TLNRD1: variants seen among roughly 807,000 people sequenced by gnomAD.
The protein encoded by TLNRD1 is talin rod domain containing 1, also known as talin rod domain-containing protein 1.
TLNRD1 carries 14 observed loss-of-function variants against 19.5 expected under a neutral mutation model. The ratio of observed to expected loss-of-function variants is 0.72; its 90% confidence interval spans 0.47 to 1.12. The LOEUF (loss-of-function observed/expected upper bound fraction) is 1.12, where lower values mean the gene tolerates loss of function less well. Among genes scored for constraint, TLNRD1 ranks in the 50% most tolerant of loss-of-function variants. TLNRD1 has a pLI of 0.00. For missense variants in TLNRD1, 569 were observed against 531.9 expected, an observed-to-expected ratio of 1.07 and a Z score of -0.69; for synonymous variants, 345 against 261.7, an observed-to-expected ratio of 1.32 and a Z score of -3.07.
rs1385172932 is a variant in TLNRD1 at position 81,002,110 on chromosome 15, C to A, written c.-162C>A. On this transcript the variant is annotated 5_prime_UTR_variant, in exon 1 of 1. Coordinates refer to ENST00000267984, the MANE Select transcript of TLNRD1 (RefSeq NM_022566.3). The stretch of plus-strand genomic sequence containing the variant: ...GCCGCCCGGGCTCCCGCCGCCGCAG[C>A]CCAGTGCCCTCTGCCCGCGGCGGTG... 1.5e-5 allele frequency: 12 copies of A among 805,236 alleles called. No individual in the cohort carries two copies. In the Admixed American group the frequency reaches 1.9e-4, roughly 13 times the overall value. The allele number at this position is 805,236 out of a possible 1,614,324, so 49.9% of individuals were successfully genotyped here. A position where few individuals can be genotyped will look rare whatever the true frequency, so the allele number is the denominator to read the frequency against.
At position 81,005,492 on chromosome 15, in the gene TLNRD1, G is replaced by C. The variant is rs1308312914; in HGVS notation, c.*2132G>C. On this transcript the variant is annotated 3_prime_UTR_variant, in exon 1 of 1. Coordinates refer to ENST00000267984, the MANE Select transcript of TLNRD1 (RefSeq NM_022566.3). ...GTAAACTGAAAGGAACAAACGCTAAGTAAAATAAGGGCCAGAAATCTGTAA... is the reference window on the plus strand; with the variant it reads ...GTAAACTGAAAGGAACAAACGCTAACTAAAATAAGGGCCAGAAATCTGTAA... 3.0e-5 allele frequency: 5 copies of C among 166,962 alleles called. No homozygotes were observed. In the East Asian group the frequency reaches 7.7e-4, roughly 26 times the overall value. 10.3% of individuals were successfully genotyped at this position (166,962 alleles called of 1,614,324 possible).
Position 81,002,410 on chromosome 15 carries a change from G to T in TLNRD1, c.139G>T (p.Val47Leu). The T allele has an allele frequency of 6.4e-7, 1 of 1,555,290 alleles. No homozygotes were observed. Among genetic ancestry groups the T allele is most frequent in the Non-Finnish European group, 8.6e-7 (1 of 1,157,768 alleles). Residue 47 changes from valine (V) to leucine (L), a missense_variant, in exon 1 of 1, where the codon GTG becomes TTG. Physicochemically the swap from Val to Leu is conservative, Grantham distance 32. Coordinates refer to ENST00000267984, the MANE Select transcript of TLNRD1 (RefSeq NM_022566.3). ...CCACTGCAAGGGCAAGATGCAGCTG[G>T]TGGCTGACCTGCTGCTGCTGTCGAG... ...CDHCKGKMQL[V>L]ADLLLLSSEA...
At position 81,003,398 on chromosome 15, in the gene TLNRD1, A is replaced by G; in HGVS notation, c.*38A>G. ...ATACCCCTTCTTCCACCCCCAGACTAAAGGAAGATACTTACTCTCTGCCCC... is the reference window on the plus strand; with the variant it reads ...ATACCCCTTCTTCCACCCCCAGACTGAAGGAAGATACTTACTCTCTGCCCC... On this transcript the variant is annotated 3_prime_UTR_variant, in exon 1 of 1. Coordinates refer to ENST00000267984, the MANE Select transcript of TLNRD1 (RefSeq NM_022566.3). The G allele has an allele frequency of 6.5e-7, 1 of 1,536,928 alleles. No individual in the cohort carries two copies. Among genetic ancestry groups the G allele is most frequent in the Non-Finnish European group, 8.8e-7 (1 of 1,135,810 alleles).
chr15:81,002,094 G>C lies in TLNRD1; in HGVS notation c.-178G>C, dbSNP rs910019713. On this transcript the variant is annotated 5_prime_UTR_variant, in exon 1 of 1. Transcript: ENST00000267984. ...CTCGGGCCCACCCCGCGCCGCCCGG[G>C]CTCCCGCCGCCGCAGCCCAGTGCCC... 3.2e-5 allele frequency: 21 copies of C among 652,192 alleles called. No homozygotes were observed. The African/African-American group carries it at 4.0e-4, about 13-fold the overall frequency. 40.4% of individuals were successfully genotyped at this position (652,192 alleles called of 1,614,324 possible). A position where few individuals can be genotyped will look rare whatever the true frequency, so the allele number is the denominator to read the frequency against.
rs1893455228 is a variant in TLNRD1, at chr15:81,003,608, G to A, written c.*248G>A. On this transcript the variant is annotated 3_prime_UTR_variant, in exon 1 of 1. Transcript: ENST00000267984. ...GGAAGATATGTCATCTGCTGGTTGTGTTATCACTCCCACCCCCTACCCCAG... is the reference window on the plus strand; with the variant it reads ...GGAAGATATGTCATCTGCTGGTTGTATTATCACTCCCACCCCCTACCCCAG... 4.6e-6 allele frequency: 2 copies of A among 433,800 alleles called. No individual in the cohort carries two copies. The highest frequency in any genetic ancestry group is 8.4e-6 in the Non-Finnish European group (2 of 237,800). The allele number at this position is 433,800 out of a possible 1,614,324, so 26.9% of individuals were successfully genotyped here.
chr15:81,004,273 G>A lies in TLNRD1; in HGVS notation c.*913G>A, dbSNP rs75482511. ...TTGGGTTATGTAGAGTGCTTGGGAC[G>A]GTTTTGTCTCATTTTTCCTGGAAAG... On this transcript the variant is annotated 3_prime_UTR_variant, in exon 1 of 1. Transcript: ENST00000267984. 10,129 of 167,068 alleles carry A rather than the reference G, an allele frequency of 0.061. 382 individuals carry two copies. The highest frequency in any genetic ancestry group is 0.18 in the Middle Eastern group (52 of 296). The allele number at this position is 167,068 out of a possible 1,614,324, so 10.3% of individuals were successfully genotyped here. A position where few individuals can be genotyped will look rare whatever the true frequency, so the allele number is the denominator to read the frequency against.
rs1324284246 is a variant in TLNRD1 at position 81,001,727 on chromosome 15, C to T, written c.-545C>T. On this transcript the variant is annotated 5_prime_UTR_variant, in exon 1 of 1. Transcript: ENST00000267984. ...CTGAAGCCCACGTGCGCCGCCGAGC[C>T]CGAGGTGGCCTCGAGCGCGGCGGCT... 6.6e-6 allele frequency: 1 copy of T among 152,078 alleles called. No homozygotes were observed. The highest frequency in any genetic ancestry group is 6.5e-5 in the Admixed American group (1 of 15,282). The allele number at this position is 152,078 out of a possible 1,614,324, so 9.4% of individuals were successfully genotyped here. A position where few individuals can be genotyped will look rare whatever the true frequency, so the allele number is the denominator to read the frequency against.
Position 81,003,560 on chromosome 15 carries a change from C to T in TLNRD1, c.*200C>T. 3.5e-6 allele frequency: 2 copies of T among 578,274 alleles called. No homozygotes were observed. Among genetic ancestry groups the T allele is most frequent in the African/African-American group, 1.9e-5 (1 of 52,620 alleles). The allele number at this position is 578,274 out of a possible 1,614,324, so 35.8% of individuals were successfully genotyped here. On this transcript the variant is annotated 3_prime_UTR_variant, in exon 1 of 1. Transcript: ENST00000267984. ...CTTGGAGGGCCCAGGTGTCTCTCCA[C>T]CAGCCCCCATGCAGTAGGGACTGGA...
Position 81,002,554 on chromosome 15 carries a change from G to C in TLNRD1, c.283G>C (p.Asp95His). Residue 95 changes from aspartate to histidine, a missense_variant, in exon 1 of 1, where the codon GAC becomes CAC. By Grantham distance (81) the Asp-to-His change is moderately conservative. Transcript: ENST00000267984. ...CAAGGGGCTCTCCATCCTCACCCACGACGTGCAGAGCCAGCTCAACATGGG... is the reference window on the plus strand; with the variant it reads ...CAAGGGGCTCTCCATCCTCACCCACCACGTGCAGAGCCAGCTCAACATGGG... ...RTKGLSILTH[D>H]VQSQLNMGRF... 1 of 1,459,220 alleles carries C rather than the reference G, an allele frequency of 6.9e-7. No individual in the cohort carries two copies. Among genetic ancestry groups the C allele is most frequent in the Non-Finnish European group, 9.0e-7 (1 of 1,110,412 alleles). The allele number at this position is 1,459,220 out of a possible 1,614,324, so 90.4% of individuals were successfully genotyped here. A position where few individuals can be genotyped will look rare whatever the true frequency, so the allele number is the denominator to read the frequency against.
In TLNRD1 at chr15:81,002,811, G is replaced by A. The variant is rs1395402902; in HGVS notation, c.540G>A (p.Leu180=). The A allele has an allele frequency of 1.3e-6, 2 of 1,577,484 alleles. No individual in the cohort carries two copies. Among genetic ancestry groups the A allele is most frequent in the South Asian group, 1.1e-5 (1 of 88,376 alleles). Residue 180 remains leucine (L), a synonymous_variant, in exon 1 of 1, where the codon CTG becomes CTA. Transcript: ENST00000267984. ...TPLADMTPQL[L]LEVSQGLSRN... ...TGGCCGACATGACGCCGCAGCTGCT[G>A]CTGGAGGTGTCGCAGGGCCTGTCGC...
chr15:81,003,092 C>T lies in TLNRD1; in HGVS notation c.821C>T (p.Ala274Val). Reference protein sequence around the residue: ...FATEPQFLGRAAAVSAEGKAV... With the variant: ...FATEPQFLGRVAAVSAEGKAV... Reference sequence around the variant, plus strand: ...ACCGAGCCGCAGTTCCTGGGTCGCGCGGCAGCTGTGAGCGCCGAGGGCAAG... The same window carrying T: ...ACCGAGCCGCAGTTCCTGGGTCGCGTGGCAGCTGTGAGCGCCGAGGGCAAG... Residue 274 changes from alanine to valine, a missense_variant, in exon 1 of 1, where the codon GCG becomes GTG. Coordinates refer to ENST00000267984, the MANE Select transcript of TLNRD1 (RefSeq NM_022566.3). 2 of 1,553,954 alleles carry T rather than the reference C, an allele frequency of 1.3e-6. No individual in the cohort carries two copies. The highest frequency in any genetic ancestry group is 1.7e-6 in the Non-Finnish European group (2 of 1,153,838).
rs781559043 is a variant in TLNRD1, at chr15:81,003,291, A to T, written c.1020A>T (p.Leu340=). The T allele has an allele frequency of 6.2e-7, 1 of 1,611,856 alleles. No homozygotes were observed. Among genetic ancestry groups the T allele is most frequent in the Non-Finnish European group, 8.5e-7 (1 of 1,179,496 alleles). ...CCGTGTCTGAAGGCTGCACCCTGCT[A>T]TCTCAGGCTTTAAGGGAGAGGTCTT... ...ACAVSEGCTL[L]SQALRERSSP... The change falls in exon 1 of 1, where the codon CTA becomes CTT. Residue 340 remains leucine (L), a synonymous_variant. Transcript: ENST00000267984.
Position 81,002,825 on chromosome 15 carries a change from A to G in TLNRD1, c.554A>G (p.Gln185Arg), listed in dbSNP as rs1247040728. ...MTPQLLLEVS[Q>R]GLSRNLKFLT... ...CCGCAGCTGCTGCTGGAGGTGTCGCAGGGCCTGTCGCGCAACCTCAAGTTC... is the reference window on the plus strand; with the variant it reads ...CCGCAGCTGCTGCTGGAGGTGTCGCGGGGCCTGTCGCGCAACCTCAAGTTC... The change falls in exon 1 of 1, where the codon CAG (glutamine) becomes CGG (arginine). Residue 185 changes from glutamine to arginine, a missense_variant. Transcript: ENST00000267984. 1.1e-5 allele frequency: 18 copies of G among 1,587,644 alleles called. No homozygotes were observed. Among genetic ancestry groups the G allele is most frequent in the South Asian group, 3.4e-5 (3 of 89,536 alleles).
chr15:81,002,382 C>T lies in TLNRD1; in HGVS notation c.111C>T (p.Cys37=). The part of the protein sequence containing the change: ...SQPRKRLVSV[C]DHCKGKMQLV... ...CGCGGAAGAGGCTGGTATCCGTCTG[C>T]GACCACTGCAAGGGCAAGATGCAGC... The change falls in exon 1 of 1, where the codon TGC becomes TGT. Residue 37 remains cysteine (C), a synonymous_variant. Coordinates refer to ENST00000267984, the MANE Select transcript of TLNRD1 (RefSeq NM_022566.3). 2 of 1,536,474 alleles carry T rather than the reference C, an allele frequency of 1.3e-6. No homozygotes were observed. Among genetic ancestry groups the T allele is most frequent in the East Asian group, 2.6e-5 (1 of 38,794 alleles).
Position 81,002,218 on chromosome 15 carries a change from G to A in TLNRD1, c.-54G>A, listed in dbSNP as rs1377452734. 14 of 1,220,304 alleles carry A rather than the reference G, an allele frequency of 1.1e-5. No homozygotes were observed. Among genetic ancestry groups the A allele is most frequent in the Non-Finnish European group, 1.4e-5 (14 of 981,116 alleles). 75.6% of individuals were successfully genotyped at this position (1,220,304 alleles called of 1,614,324 possible). On this transcript the variant is annotated 5_prime_UTR_variant, in exon 1 of 1. Coordinates refer to ENST00000267984, the MANE Select transcript of TLNRD1 (RefSeq NM_022566.3). ...CGCCGGGGCGGCGGCAGTGGCCGCG[G>A]CAGCGGCGGTGGTAGCGGGCTCCCC...
chr15:81,003,954 T>C lies in TLNRD1; in HGVS notation c.*594T>C, dbSNP rs1197485776. The C allele has an allele frequency of 1.2e-5, 2 of 166,618 alleles. No homozygotes were observed. Among genetic ancestry groups the C allele is most frequent in the Admixed American group, 6.5e-5 (1 of 15,278 alleles). The allele number at this position is 166,618 out of a possible 1,614,324, so 10.3% of individuals were successfully genotyped here. A position where few individuals can be genotyped will look rare whatever the true frequency, so the allele number is the denominator to read the frequency against. On this transcript the variant is annotated 3_prime_UTR_variant, in exon 1 of 1. Coordinates refer to ENST00000267984, the MANE Select transcript of TLNRD1 (RefSeq NM_022566.3). ...TTCCCCCAACGTCAAGTTTTTACCTTGCATGTACTGGAGTATTTATTTCAT... is the reference window on the plus strand; with the variant it reads ...TTCCCCCAACGTCAAGTTTTTACCTCGCATGTACTGGAGTATTTATTTCAT...
In TLNRD1 at chr15:81,001,826, G is replaced by C. The variant is rs1893414499; in HGVS notation, c.-446G>C. The stretch of plus-strand genomic sequence containing the variant: ...GGATTTTGATTTCAAAGAAAGGAAG[G>C]AAGGAAGGACAACTCCCAGCTTCCC... On this transcript the variant is annotated 5_prime_UTR_variant, in exon 1 of 1. Coordinates refer to ENST00000267984, the MANE Select transcript of TLNRD1 (RefSeq NM_022566.3). 1.3e-5 allele frequency: 2 copies of C among 153,784 alleles called. No homozygotes were observed. Among genetic ancestry groups the C allele is most frequent in the Non-Finnish European group, 2.9e-5 (2 of 69,208 alleles). The allele number at this position is 153,784 out of a possible 1,614,324, so 9.5% of individuals were successfully genotyped here. A position where few individuals can be genotyped will look rare whatever the true frequency, so the allele number is the denominator to read the frequency against.
Position 81,003,034 on chromosome 15 carries a change from G to C in TLNRD1, c.763G>C (p.Val255Leu). 2.6e-6 allele frequency: 4 copies of C among 1,551,572 alleles called. No homozygotes were observed. The highest frequency in any genetic ancestry group is 2.6e-6 in the Non-Finnish European group (3 of 1,155,094). ...SRCALFSGPL[V>L]QAVSALVGFA... ...CTGTGCGCTCTTCAGCGGGCCCCTG[G>C]TGCAGGCAGTGAGCGCCCTGGTAGG... is the stretch of plus-strand genomic sequence containing the variant. The change falls in exon 1 of 1, where the codon GTG becomes CTG. Residue 255 changes from valine (V) to leucine (L), a missense_variant. Val to Leu is a conservative substitution (Grantham distance 32). Transcript: ENST00000267984.
chr15:81,002,177 G>A lies in TLNRD1; in HGVS notation c.-95G>A, dbSNP rs1893420991. On this transcript the variant is annotated 5_prime_UTR_variant, in exon 1 of 1. Coordinates refer to ENST00000267984, the MANE Select transcript of TLNRD1 (RefSeq NM_022566.3). Reference sequence around the variant, plus strand: ...GGGGAAGGCACCGCGGCCTTGGCCAGCTGAGTCGCGACGGCCGCCGGGGCG... The same window carrying A: ...GGGGAAGGCACCGCGGCCTTGGCCAACTGAGTCGCGACGGCCGCCGGGGCG... The A allele has an allele frequency of 8.4e-7, 1 of 1,187,600 alleles. No homozygotes were observed. The highest frequency in any genetic ancestry group is 1.0e-6 in the Non-Finnish European group (1 of 956,302). 73.6% of individuals were successfully genotyped at this position (1,187,600 alleles called of 1,614,324 possible).
Sources: gnomAD v4.1 joint callset for allele counts on GRCh38, gnomAD v4.1.1 for gene constraint, MANE v1.5 for transcripts, NCBI Gene and HGNC (gene_info 2026-07-23, HGNC 2026-07-21) for gene names.